The following LARP1 variants were observed in gnomAD, a reference collection of about 807,000 sequenced individuals.
LARP1 encodes the protein La ribonucleoprotein 1, translational regulator.
Under a neutral mutation model 122.7 loss-of-function variants are expected in LARP1, and 36 were observed. The ratio of observed to expected loss-of-function variants is 0.29; its 90% CI spans 0.22 to 0.39. The LOEUF (loss-of-function observed/expected upper bound fraction) is 0.39. Among genes scored for constraint, LARP1 ranks in the 10% least tolerant of loss-of-function variants. The pLI is 1.00. For missense variants in LARP1, 1,040 were observed against 1,403.6 expected, an observed-to-expected ratio of 0.74 and a Z score of 4.14; for synonymous variants, 539 against 528.7, an observed-to-expected ratio of 1.02 and a Z score of -0.27.
intron 1 of LARP1, among the ~76,000 whole-genome samples, chr5:154,760,494 T>C (rs183799211): frequency 2.9e-4 from 44 of 152,352 alleles, no homozygotes; most frequent in African/African-American, 9.6e-4. Flanking sequence ...CTCTGGAGGC[T>C]GGAGAAACTC....
chr5:154,809,956 C>T (rs969049647), intron 16 of LARP1, among the ~76,000 whole-genome samples: 2 of 152,042 alleles, frequency 1.3e-5, no homozygotes, highest in African/African-American at 4.8e-5. Context: ...ATCCGCCTGT[C>T]TCAGCCTCCC....
chr5:154,796,073 G>GTATATATTA (rs1757790351), intron 8 of LARP1, among the ~76,000 whole-genome samples: 3 of 78,862 alleles, frequency 3.8e-5, no homozygotes, highest in African/African-American at 1.5e-4. Flanking sequence ...TTTATATATA[G>GTATATATTA]TATATATATT....
chr5:154,756,416 C>T (rs1377825473), intron 1 of LARP1: 1 of 995,456 alleles, frequency 1.0e-6, no homozygotes, highest in African/African-American at 1.7e-5. Flanking sequence ...AGGCTACGGC[C>T]ACCGCCTGGG....
At position 154,794,185 on chromosome 5, in the gene LARP1, C is replaced by T; in HGVS notation, c.1155C>T (p.Tyr385=). Residue 385 remains tyrosine, a synonymous_variant, in exon 7 of 19, where the codon TAC becomes TAT. Transcript: ENST00000518297. ...RTPKYMNNIT[Y]YFDNVSSTEL... Reference sequence around the variant, plus strand: ...CCAAGTACATGAACAACATCACCTACTACTTTGACAATGTCAGCAGCACCG... The same window carrying T: ...CCAAGTACATGAACAACATCACCTATTACTTTGACAATGTCAGCAGCACCG... 1 of 1,614,198 alleles carries T rather than the reference C, an allele frequency of 6.2e-7. No homozygotes were observed. The highest frequency in any genetic ancestry group is 1.3e-5 in the African/African-American group (1 of 75,046).
intron 1 of LARP1, chr5:154,729,417 C>T (rs186208467): frequency 4.3e-4 from 154 of 356,962 alleles, no homozygotes; most frequent in Non-Finnish European, 9.2e-5. Flanking sequence ...GAAGAGTCTA[C>T]AGTGTTACCT....
At chr5:154,687,105 C>T (rs1175185423) in intron 1 of LARP1, among the ~76,000 whole-genome samples, 1 of 152,188 alleles carries the variant, frequency 6.6e-6, no homozygotes, top group African/African-American at 2.4e-5. Context: ...AAATTTTAGT[C>T]TCAAAGGTTT....
chr5:154,806,370 AG>A (rs1758786271), intron 15 of LARP1, among the ~76,000 whole-genome samples: 1 of 152,220 alleles, frequency 6.6e-6, no homozygotes, highest in Admixed American at 6.5e-5. Flanking sequence ...GGTATGTAAG[AG>A]GTGACATATG....
At position 154,803,715 on chromosome 5, in the gene LARP1, G is replaced by A. The variant is rs1351088629; in HGVS notation, c.2409G>A (p.Val803=). The change falls in exon 13 of 19, where the codon GTG becomes GTA. Residue 803 remains valine (V), a synonymous_variant. Coordinates refer to ENST00000518297, the MANE Select transcript of LARP1 (RefSeq NM_033551.3). This position sits in a 1 kb window ranked among gnomAD's most constrained non-coding sequence, Gnocchi z 4.4. The stretch of plus-strand genomic sequence containing the variant: ...GCCAGACATCACGGTTTTACCCAGT[G>A]GTGAAAGAAGGACGGACACTGGATG... ...DSSQTSRFYP[V]VKEGRTLDAK... 6.2e-7 allele frequency: 1 copy of A among 1,614,204 alleles called. No homozygotes were observed.
intron 1 of LARP1, among the ~76,000 whole-genome samples, chr5:154,776,580 C>G (rs1239571107): frequency 6.6e-6 from 1 of 152,218 alleles, no homozygotes; most frequent in African/African-American, 2.4e-5. Context: ...ATTGGCAGCT[C>G]AGTTCTTAAA....
chr5:154,810,461 A>T (rs1034669519), intron 16 of LARP1, among the ~76,000 whole-genome samples: 1 of 151,640 alleles, frequency 6.6e-6, no homozygotes, highest in Non-Finnish European at 1.5e-5. Flanking sequence ...AAAAGATCTA[A>T]ATCTATTGGC....
In LARP1 at chr5:154,814,582, C is replaced by G. The variant is rs1759543422; in HGVS notation, c.*486C>G. ...GTCTCATAGAAGGCTCTGGTGGTAC[C>G]TCTGGGCCCCAGGAGCATCAGCCCC... is the stretch of plus-strand genomic sequence containing the variant. On this transcript the variant is annotated 3_prime_UTR_variant, in exon 19 of 19. Transcript: ENST00000518297. 6.6e-6 allele frequency: 1 copy of G among 152,646 alleles called. No individual in the cohort carries two copies. The highest frequency in any genetic ancestry group is 2.4e-5 in the African/African-American group (1 of 41,432). The allele number at this position is 152,646 out of a possible 1,614,324, so 9.5% of individuals were successfully genotyped here.
intron 1 of LARP1, among the ~76,000 whole-genome samples, chr5:154,739,269 C>T (rs1048102939): frequency 1.3e-5 from 2 of 152,250 alleles, no homozygotes; most frequent in Non-Finnish European, 2.9e-5. Flanking sequence ...ATCCGCCCAC[C>T]TCGGCCTCCC....
At chr5:154,683,735 T>C (rs965235) in intron 1 of LARP1, among the ~76,000 whole-genome samples, 115,154 of 152,174 alleles carry the variant, frequency 0.76, 44,006 homozygotes, top group African/African-American at 0.88. Flanking sequence ...AGGGGAACCC[T>C]GCTTTTCCTC....
intron 8 of LARP1, among the ~76,000 whole-genome samples, chr5:154,797,606 A>G (rs1561618593): frequency 2.0e-5 from 3 of 150,366 alleles, no homozygotes; most frequent in East Asian, 1.9e-4. Context: ...GCTTTCTTCC[A>G]TGCCCATAAT....
chr5:154,790,832 C>A, intron 3 of LARP1, 122 bp downstream of exon 3: 1 of 917,462 alleles, frequency 1.1e-6, no homozygotes, highest in Non-Finnish European at 1.7e-6. Context: ...CTTTTTTTTC[C>A]CCCCAACAGA....
At chr5:154,683,989 A>G (rs973834103) in intron 1 of LARP1, among the ~76,000 whole-genome samples, 3 of 152,198 alleles carry the variant, frequency 2.0e-5, no homozygotes, top group African/African-American at 7.2e-5. Flanking sequence ...ACAGTTGGCC[A>G]ATCTGGTATA....
intron 1 of LARP1, among the ~76,000 whole-genome samples, chr5:154,696,165 A>G (rs539038388): frequency 9.2e-5 from 14 of 152,062 alleles, no homozygotes; most frequent in Non-Finnish European, 1.2e-4. Flanking sequence ...GAGACCAGCC[A>G]GGGTAACACG....
intron 1 of LARP1, chr5:154,718,775 A>T (rs1359014036): frequency 2.0e-5 from 3 of 152,250 alleles, no homozygotes; most frequent in African/African-American, 7.2e-5. Flanking sequence ...AAGGCTTGGA[A>T]GCTACCTACG....
intron 16 of LARP1, among the ~76,000 whole-genome samples, chr5:154,810,916 T>C (rs1303455726): frequency 6.6e-6 from 1 of 152,218 alleles, no homozygotes; most frequent in Non-Finnish European, 1.5e-5. Flanking sequence ...CAGTAAATAC[T>C]TTAGGCTTTG....
Sources: gnomAD v4.1 joint callset for allele counts (sites outside exome capture counted in the v4.1 genomes callset) on GRCh38, gnomAD v4.1.1 for gene constraint, Gnocchi (gnomAD v3.1) non-coding constraint, MANE v1.5 for transcripts, NCBI Gene and HGNC (gene_info 2026-07-23, HGNC 2026-07-21) for gene names.